SPOCD1: variants seen among roughly 807,000 people sequenced by gnomAD.
SPOCD1 encodes the protein SPOC domain containing 1.
In SPOCD1, 64 loss-of-function variants were observed where a neutral mutation model predicts 92.2. The ratio of observed to expected loss-of-function variants is 0.69; its 90% CI spans 0.57 to 0.86. The LOEUF (loss-of-function observed/expected upper bound fraction) is 0.86, where lower values mean the gene tolerates loss of function less well. SPOCD1 is among the 40% of genes least tolerant of loss of function. The pLI, the probability that SPOCD1 is intolerant of heterozygous loss-of-function variation, is 0.00. For missense variants in SPOCD1, 1,360 were observed against 1,543.1 expected, an observed-to-expected ratio of 0.88 and a Z score of 1.99; for synonymous variants, 578 against 619.3, an observed-to-expected ratio of 0.93 and a Z score of 0.99.
chr1:31,791,343 TC>T, intron 15 of SPOCD1, 52 bp from the exon 16 acceptor site: 1 of 1,390,146 alleles, frequency 7.2e-7, no homozygotes, highest in Non-Finnish European at 9.5e-7. Flanking sequence ...GGAGCCTACA[TC>T]CCAGGAAGGG....
rs772918729 is a variant in SPOCD1 at position 31,793,897 on chromosome 1, T to G, written c.2384A>C (p.Asp795Ala). The change falls in exon 12 of 16, where the codon GAC (aspartate) becomes GCC (alanine). Residue 795 changes from aspartate (D) to alanine (A), a missense_variant and splice_region_variant. Around this residue, in one of 3 missense-constraint regions of SPOCD1, gnomAD observed 614 missense variants for 757.8 expected, o/e 0.81. Transcript: ENST00000360482. Reference sequence around the variant, plus strand: ...TAGCAGCTCATTCGAGGGCTCCCAGTCTGCAAATAGCAGAGGCAGGAGCTG... The same window carrying G: ...TAGCAGCTCATTCGAGGGCTCCCAGGCTGCAAATAGCAGAGGCAGGAGCTG... Reference protein sequence around the residue: ...FLDPNCHICKDWEPSNELLGS... With the variant: ...FLDPNCHICKAWEPSNELLGS... 1 of 1,610,154 alleles carries G rather than the reference T, an allele frequency of 6.2e-7. No individual in the cohort carries two copies. The highest frequency in any genetic ancestry group is 8.5e-7 in the Non-Finnish European group (1 of 1,177,038).
intron 5 of SPOCD1, 73 bp from the exon 6 acceptor site, chr1:31,799,936 C>G (rs1308363256): frequency 1.9e-6 from 3 of 1,612,990 alleles, no homozygotes; most frequent in Non-Finnish European, 2.5e-6. Context: ...ACTGCTTCCT[C>G]TAGTCACCTC....
At chr1:31,802,313 C>A (rs1277642546) in intron 2 of SPOCD1, among the ~76,000 whole-genome samples, 1 of 152,208 alleles carries the variant, frequency 6.6e-6, no homozygotes, top group Non-Finnish European at 1.5e-5. Flanking sequence ...CACAGAAGCA[C>A]ATCATTCATG....
At chr1:31,794,301 G>A (rs1008043855) in intron 10 of SPOCD1, 66 bp from the exon 11 acceptor site, 2 of 1,213,656 alleles carry the variant, frequency 1.6e-6, no homozygotes, top group Admixed American at 2.1e-5. Context: ...GCCTCCATGG[G>A]TAGGGGGCCC....
chr1:31,793,863 G>C lies in SPOCD1; in HGVS notation c.2418C>G (p.Phe806Leu). 1.9e-6 allele frequency: 3 copies of C among 1,614,022 alleles called. No homozygotes were observed. The highest frequency in any genetic ancestry group is 2.5e-6 in the Non-Finnish European group (3 of 1,179,912). Residue 806 changes from phenylalanine to leucine, a missense_variant, in exon 12 of 16, where the codon TTC (phenylalanine) becomes TTG (leucine). By Grantham distance (22) the Phe-to-Leu change is conservative (BLOSUM62 0). Transcript: ENST00000360482. ...TGTCCCCGCAGCTCTTGGCGGCTTC[G>C]AAGGAGCCTAGCAGCTCATTCGAGG... The part of the protein sequence containing the change: ...WEPSNELLGS[F>L]EAAKSCGDNI...
intron 2 of SPOCD1, 74 bp from the exon 3 acceptor site, chr1:31,801,779 G>C: frequency 7.9e-7 from 1 of 1,262,648 alleles, no homozygotes; most frequent in Admixed American, 1.7e-5. Context: ...TTCACAAAAA[G>C]AAGACAATCT....
intron 2 of SPOCD1, among the ~76,000 whole-genome samples, chr1:31,803,353 A>G (rs868150573): frequency 2.6e-5 from 4 of 151,104 alleles, no homozygotes; most frequent in African/African-American, 7.3e-5. Flanking sequence ...AACTCAATAT[A>G]TAGATTTAAT....
chr1:31,799,349 G>T, intron 7 of SPOCD1, 52 bp downstream of exon 7: 1 of 1,489,652 alleles, frequency 6.7e-7, no homozygotes, highest in Non-Finnish European at 9.2e-7. Context: ...GGAGGCGGGG[G>T]CATGTGAGGG....
At chr1:31,808,188 G>A (rs1228726218) in intron 2 of SPOCD1, among the ~76,000 whole-genome samples, 1 of 151,964 alleles carries the variant, frequency 6.6e-6, no homozygotes, top group Non-Finnish European at 1.5e-5. Context: ...GGGTATTATA[G>A]AACAAATCAT....
At chr1:31,801,762 CAGGGAA>C in intron 2 of SPOCD1, 57 bp from the exon 3 acceptor site, 1 of 1,389,932 alleles carries the variant, frequency 7.2e-7, no homozygotes, top group Non-Finnish European at 1.0e-6. Context: ...CACCCCATGG[CAGGGAA>C]TTCACAAAAA....
At position 31,790,579 on chromosome 1, in the gene SPOCD1, C is replaced by T. The variant is rs1470531136; in HGVS notation, c.*24G>A. ...TCAACACTAGTGAGGGCATCAAAACCCCTGTTCTGGTGGGTAAGGAGGGTC... is the reference window on the plus strand; with the variant it reads ...TCAACACTAGTGAGGGCATCAAAACTCCTGTTCTGGTGGGTAAGGAGGGTC... On this transcript the variant is annotated 3_prime_UTR_variant, in exon 16 of 16. Transcript: ENST00000360482. 1 of 1,547,154 alleles carries T rather than the reference C, an allele frequency of 6.5e-7. No individual in the cohort carries two copies. Among genetic ancestry groups the T allele is most frequent in the Non-Finnish European group, 8.7e-7 (1 of 1,143,662 alleles).
At chr1:31,807,739 TGAC>T (rs1648929664) in intron 2 of SPOCD1, among the ~76,000 whole-genome samples, 1 of 151,982 alleles carries the variant, frequency 6.6e-6, no homozygotes, top group Non-Finnish European at 1.5e-5. Flanking sequence ...TTGAAAAAAC[TGAC>T]AATTGTCTGA....
chr1:31,814,376 G>T lies in SPOCD1; in HGVS notation c.958C>A (p.Gln320Lys). 1 of 1,606,918 alleles carries T rather than the reference G, an allele frequency of 6.2e-7. No homozygotes were observed. The highest frequency in any genetic ancestry group is 8.5e-7 in the Non-Finnish European group (1 of 1,176,356). ...AGTGCTGCGCTCTGTGGAGGAGCCT[G>T]TGCAGCTGAACTGAGGGACTCCCCT... is the stretch of plus-strand genomic sequence containing the variant. The part of the protein sequence containing the change: ...SGGESLSSAA[Q>K]APPQSAALCL... Residue 320 changes from glutamine to lysine, a missense_variant, in exon 2 of 16, where the codon CAG (glutamine) becomes AAG (lysine). Physicochemically the swap from Gln to Lys is moderately conservative, Grantham distance 53 (BLOSUM62 1). Coordinates refer to ENST00000360482, the MANE Select transcript of SPOCD1 (RefSeq NM_144569.7). This position sits in a 1 kb window ranked among gnomAD's most constrained non-coding sequence, Gnocchi z 4.2.
At chr1:31,791,419 T>C (rs1361741650) in intron 15 of SPOCD1, 128 bp from the exon 16 acceptor site, 6 of 722,906 alleles carry the variant, frequency 8.3e-6, no homozygotes, top group Non-Finnish European at 8.4e-6. Flanking sequence ...TGGGGCTGTC[T>C]CGGAAGATTT....
intron 4 of SPOCD1, 134 bp downstream of exon 4, chr1:31,800,307 C>G: frequency 7.0e-7 from 1 of 1,429,884 alleles, no homozygotes; most frequent in Non-Finnish European, 9.4e-7. Context: ...AGGCTGGGGC[C>G]GAACCCTGCC....
chr1:31,799,835 G>T lies in SPOCD1; in HGVS notation c.1757C>A (p.Ser586Tyr). The stretch of plus-strand genomic sequence containing the variant: ...TGAGTCCTCTGGCTGCTCCGGAAGA[G>T]AATCCTCTTCAGCCTCCATTGGGCC... ...QSGPMEAEED[S>Y]LPEQPEDSAQ... The change falls in exon 6 of 16, where the codon TCT becomes TAT. Residue 586 changes from serine to tyrosine, a missense_variant. By Grantham distance (144) the Ser-to-Tyr change is moderately radical. Around this residue, in one of 3 missense-constraint regions of SPOCD1, gnomAD observed 606 missense variants for 601.5 expected, o/e 1.01. Coordinates refer to ENST00000360482, the MANE Select transcript of SPOCD1 (RefSeq NM_144569.7). The T allele has an allele frequency of 1.2e-6, 2 of 1,614,096 alleles. No homozygotes were observed. Among genetic ancestry groups the T allele is most frequent in the Non-Finnish European group, 1.7e-6 (2 of 1,180,016 alleles).
chr1:31,812,321 G>A (rs1436831369), intron 2 of SPOCD1, among the ~76,000 whole-genome samples: 1 of 152,178 alleles, frequency 6.6e-6, no homozygotes, highest in East Asian at 1.9e-4. Context: ...GGTTGGAAAT[G>A]AGAAGAGGAA....
Position 31,798,568 on chromosome 1 carries a change from C to G in SPOCD1, c.1902G>C (p.Glu634Asp), listed in dbSNP as rs1296451491. 1.2e-6 allele frequency: 2 copies of G among 1,613,560 alleles called. No homozygotes were observed. Among genetic ancestry groups the G allele is most frequent in the Non-Finnish European group, 1.7e-6 (2 of 1,179,944 alleles). The change falls in exon 8 of 16, where the codon GAG (glutamate) becomes GAC (aspartate). Residue 634 changes from glutamate (E) to aspartate (D), a missense_variant. Physicochemically the swap from Glu to Asp is conservative, Grantham distance 45. Transcript: ENST00000360482. This position sits in a 1 kb window ranked among gnomAD's most constrained non-coding sequence, Gnocchi z 4.1. The stretch of plus-strand genomic sequence containing the variant: ...CAGCAGCAATGCCCTCCACCACCTC[C>G]TCACTCAGCACTGGGTCTGGGAGCT... ...LRELPDPVLS[E>D]EVVEGIAAGI...
At chr1:31,809,819 T>C (rs2149117487) in intron 2 of SPOCD1, among the ~76,000 whole-genome samples, 1 of 152,274 alleles carries the variant, frequency 6.6e-6, no homozygotes, top group Non-Finnish European at 1.5e-5. Flanking sequence ...TAAAGTTCCT[T>C]GGTCCCTGCC....
Sources: allele counts gnomAD v4.1 joint callset (sites outside exome capture counted in the v4.1 genomes callset), GRCh38; gene constraint gnomAD v4.1.1; regional missense constraint gnomAD v4.1.1; non-coding constraint Gnocchi (gnomAD v3.1); transcripts MANE v1.5; gene names NCBI Gene and HGNC (gene_info 2026-07-23, HGNC 2026-07-21).